Variants in TRPM6 observed in about 807,000 individuals in gnomAD.
The protein encoded by TRPM6 is channel kinase 2.
A neutral mutation model predicts 247.6 loss-of-function variants in TRPM6; 111 were observed. The ratio of observed to expected loss-of-function variants is 0.45; its 90% CI spans 0.38 to 0.52. TRPM6 has a LOEUF of 0.52. Ranked by LOEUF, TRPM6 falls within the 20% of genes least tolerant of loss-of-function variation. The pLI is 0.00. For missense variants in TRPM6, 2,126 were observed against 2,421.5 expected (o/e 0.88, Z 2.56); for synonymous variants, 892 against 853.8 (o/e 1.04, Z -0.78).
intron 14 of TRPM6, among the ~76,000 whole-genome samples, chr9:74,807,603 G>C (rs113768386): frequency 3.9e-5 from 6 of 151,972 alleles, no homozygotes; most frequent in Middle Eastern, 3.4e-3. Context: ...ATCACTACAT[G>C]CTTATACCAA....
chr9:74,739,689 C>G, intron 34 of TRPM6, 34 bp downstream of exon 34: 1 of 1,607,718 alleles, frequency 6.2e-7, no homozygotes, highest in Non-Finnish European at 8.5e-7. Context: ...TGACTTGTCC[C>G]TCTGGGCTAT....
chr9:74,802,259 A>G, intron 15 of TRPM6, 84 bp from the exon 16 acceptor site: 1 of 1,312,266 alleles, frequency 7.6e-7, no homozygotes, highest in South Asian at 1.3e-5. Flanking sequence ...GGTGTCCTAG[A>G]GATTTTTTTT....
At chr9:74,757,812 C>T (rs747320632) in intron 27 of TRPM6, among the ~76,000 whole-genome samples, 1 of 152,034 alleles carries the variant, frequency 6.6e-6, no homozygotes, top group Non-Finnish European at 1.5e-5. Flanking sequence ...ACTTGGGAGG[C>T]TGAGGTGGGA....
In TRPM6 at chr9:74,803,878, T is replaced by C. The variant is rs148657084; in HGVS notation, c.1647A>G (p.Arg549=). 213 of 1,610,666 alleles carry C rather than the reference T, an allele frequency of 1.3e-4. No homozygotes were observed. The highest frequency in any genetic ancestry group is 3.5e-4 in the Admixed American group (21 of 60,006). Residue 549 remains arginine (R), a synonymous_variant, in exon 15 of 39, where the codon AGA becomes AGG. Coordinates refer to ENST00000360774, the MANE Select transcript of TRPM6 (RefSeq NM_017662.5). ...ACTCATTTCTATTTCCTGAGGAGTGTCTCTGGTGCTGGGAAAGGTTTTGAA... is the reference window on the plus strand; with the variant it reads ...ACTCATTTCTATTTCCTGAGGAGTGCCTCTGGTGCTGGGAAAGGTTTTGAA... ...NNLYRKYKHQ[R]HSSGNRNESA... is the part of the protein sequence containing the mutation.
chr9:74,852,020 T>A lies in TRPM6; in HGVS notation c.152+3507A>T, dbSNP rs577367976. ...ACAGTGGTACATGCCAGGAGGGGGG[T>A]AGCTACTCAGGAGGCTGAAGAGTGG... On this transcript the variant is annotated intron_variant, in intron 3 of 38. Transcript: ENST00000360774. Among the ~76,000 whole-genome samples the A allele has an allele frequency of 4.7e-5, 7 of 150,326 alleles. No individual in the cohort carries two copies. The South Asian group carries it at 1.5e-3, about 32-fold the overall frequency.
At chr9:74,817,155 A>G (rs1371471329) in intron 9 of TRPM6, among the ~76,000 whole-genome samples, 191 bp from the exon 10 acceptor site, 1 of 152,232 alleles carries the variant, frequency 6.6e-6, no homozygotes, top group African/African-American at 2.4e-5. Flanking sequence ...TGGGGGGGAA[A>G]AAACTAAAAA....
intron 11 of TRPM6, 84 bp downstream of exon 11, chr9:74,816,585 A>T: frequency 9.4e-7 from 1 of 1,067,434 alleles, no homozygotes; most frequent in Non-Finnish European, 1.4e-6. Flanking sequence ...ACCAATCAAT[A>T]TCTCCTCTCA....
chr9:74,728,444 T>G, intron 37 of TRPM6, 99 bp from the exon 38 acceptor site: 5 of 869,092 alleles, frequency 5.8e-6, no homozygotes, highest in Non-Finnish European at 9.6e-6. Context: ...AGTAACCCAG[T>G]AAACTTGAAG....
intron 3 of TRPM6, among the ~76,000 whole-genome samples, chr9:74,846,589 G>C (rs1190259694): frequency 4.0e-5 from 6 of 151,886 alleles, no homozygotes; most frequent in Non-Finnish European, 7.4e-5. Flanking sequence ...CTGTTGCCCA[G>C]GCTGGAATGC....
At chr9:74,785,836 A>G in intron 21 of TRPM6, 38 bp downstream of exon 21, 2 of 1,613,260 alleles carry the variant, frequency 1.2e-6, no homozygotes, top group Non-Finnish European at 1.7e-6. Context: ...AATAATTTTA[A>G]AAAAGAATAC....
chr9:74,868,651 G>T (rs1171577165), intron 1 of TRPM6, among the ~76,000 whole-genome samples: 1 of 152,180 alleles, frequency 6.6e-6, no homozygotes, highest in African/African-American at 2.4e-5. Flanking sequence ...AATTCCTTCT[G>T]CCTGTAGATA....
intron 21 of TRPM6, 83 bp from the exon 22 acceptor site, chr9:74,782,936 A>C (rs749545412): frequency 3.2e-6 from 4 of 1,261,330 alleles, no homozygotes; most frequent in Non-Finnish European, 4.6e-6. Flanking sequence ...CATCATAACT[A>C]TACCTGCAAA....
At chr9:74,820,124 T>G (rs1829087209) in intron 9 of TRPM6, 180 bp downstream of exon 9, 1 of 657,724 alleles carries the variant, frequency 1.5e-6, no homozygotes, top group South Asian at 1.8e-5. Flanking sequence ...GGTATTAAGA[T>G]CTCCATGCAT....
intron 1 of TRPM6, among the ~76,000 whole-genome samples, chr9:74,859,722 C>T (rs1045573752): frequency 2.7e-5 from 4 of 150,184 alleles, no homozygotes; most frequent in East Asian, 1.9e-4. Flanking sequence ...TGCAGTGAGC[C>T]GAGATTGCAC....
intron 1 of TRPM6, among the ~76,000 whole-genome samples, chr9:74,870,666 G>C (rs953844476): frequency 1.3e-5 from 2 of 152,286 alleles, no homozygotes; most frequent in Admixed American, 1.3e-4. Flanking sequence ...GCTCACGCCT[G>C]TAATCCCTGC....
Position 74,792,772 on chromosome 9 carries a change from TATAAA to T in TRPM6, c.2392-7_2392-3del. The T allele has an allele frequency of 6.2e-7, 1 of 1,612,952 alleles. No individual in the cohort carries two copies. Among genetic ancestry groups the T allele is most frequent in the Non-Finnish European group, 8.5e-7 (1 of 1,178,976 alleles). On this transcript the variant is annotated splice_polypyrimidine_tract_variant and splice_region_variant and intron_variant, in intron 18 of 38. Coordinates refer to ENST00000360774, the MANE Select transcript of TRPM6 (RefSeq NM_017662.5). ...GCCCCTTTCCAAATCATACTCTTTC[TATAAA>T]ATAAACAAATAATCATTTTCTTGTC...
chr9:74,780,107 G>A (rs1022904861), intron 23 of TRPM6, among the ~76,000 whole-genome samples: 1 of 151,816 alleles, frequency 6.6e-6, no homozygotes, highest in African/African-American at 2.4e-5. Flanking sequence ...GGGAGGCAAA[G>A]GTTGCAGTGA....
chr9:74,775,712 A>C (rs1363781178), intron 24 of TRPM6, among the ~76,000 whole-genome samples, 171 bp downstream of exon 24: 1 of 152,224 alleles, frequency 6.6e-6, no homozygotes, highest in Non-Finnish European at 1.5e-5. Context: ...CTGCGACCTC[A>C]TAATGAGGTC....
At chr9:74,867,087 T>C (rs1436073021) in intron 1 of TRPM6, among the ~76,000 whole-genome samples, 1 of 152,224 alleles carries the variant, frequency 6.6e-6, no homozygotes, top group Non-Finnish European at 1.5e-5. Context: ...TGTTTGCTTC[T>C]GCACTCAATC....
Sources: gnomAD v4.1 joint callset for allele counts (sites outside exome capture counted in the v4.1 genomes callset) on GRCh38, gnomAD v4.1.1 for gene constraint, MANE v1.5 for transcripts, NCBI Gene and HGNC (gene_info 2026-07-23, HGNC 2026-07-21) for gene names.